Variants in SEMA6D observed in about 807,000 individuals in gnomAD.
SEMA6D encodes semaphorin 6D, also known as semaphorin-6D.
In SEMA6D, 35 loss-of-function variants were observed where a neutral mutation model predicts 106.6. The observed-to-expected ratio is 0.33, with a 90% CI of 0.25 to 0.44. The LOEUF is 0.44. Ranked by LOEUF, SEMA6D falls within the 20% of genes least tolerant of loss-of-function variation. The pLI is 1.00. For synonymous variants in SEMA6D, 499 were observed against 487.7 expected (o/e 1.02, Z -0.31); for missense variants, 1,185 against 1,345.9 (o/e 0.88, Z 1.87).
intron 1 of SEMA6D, among the ~76,000 whole-genome samples, chr15:47,392,347 G>T (rs1193054908): frequency 6.6e-6 from 1 of 152,198 alleles, no homozygotes; most frequent in Non-Finnish European, 1.5e-5. Flanking sequence ...GGACTTTGAA[G>T]ATGTGATTAA....
At chr15:47,259,219 C>A (rs1351530933) in intron 1 of SEMA6D, among the ~76,000 whole-genome samples, 1 of 152,150 alleles carries the variant, frequency 6.6e-6, no homozygotes, top group Non-Finnish European at 1.5e-5. Flanking sequence ...GAAGGATAGT[C>A]TATTGGATGT....
intron 2 of SEMA6D, among the ~76,000 whole-genome samples, chr15:47,468,210 T>G (rs1003481500): frequency 6.6e-6 from 1 of 152,072 alleles, no homozygotes; most frequent in Non-Finnish European, 1.5e-5. Context: ...TGTTCATACC[T>G]ATGTTTCTTC....
chr15:47,724,319 A>G (rs1484599579), intron 1 of SEMA6D, among the ~76,000 whole-genome samples: 1 of 152,224 alleles, frequency 6.6e-6, no homozygotes, highest in African/African-American at 2.4e-5. Context: ...ACAGGGCAGG[A>G]GAGGGCCCAA....
intron 3 of SEMA6D, among the ~76,000 whole-genome samples, chr15:47,533,694 A>G (rs972325855): frequency 6.6e-6 from 1 of 152,186 alleles, no homozygotes; most frequent in African/African-American, 2.4e-5. Context: ...CCACCAGACC[A>G]TTATATTCTA....
At chr15:47,643,130 T>C (rs1190604346) in intron 4 of SEMA6D, among the ~76,000 whole-genome samples, 1 of 152,180 alleles carries the variant, frequency 6.6e-6, no homozygotes, top group Non-Finnish European at 1.5e-5. Context: ...TTCTACTATG[T>C]CTTATATGTG....
At chr15:47,427,941 G>A (rs1275607818) in intron 2 of SEMA6D, among the ~76,000 whole-genome samples, 2 of 151,858 alleles carry the variant, frequency 1.3e-5, no homozygotes, top group Admixed American at 6.6e-5. Flanking sequence ...ATTCTTCTTA[G>A]GGAAAAGATA....
chr15:47,640,804 A>C (rs1173041619), intron 4 of SEMA6D, among the ~76,000 whole-genome samples: 3 of 152,112 alleles, frequency 2.0e-5, no homozygotes, highest in Non-Finnish European at 4.4e-5. Context: ...GGAATATGAT[A>C]TTAACGTTAA....
At chr15:47,252,228 A>G (rs752286551) in intron 1 of SEMA6D, among the ~76,000 whole-genome samples, 7 of 152,062 alleles carry the variant, frequency 4.6e-5, no homozygotes, top group African/African-American at 7.2e-5. Context: ...ATTATTATTG[A>G]GTGTTGCGAT....
intron 11 of SEMA6D, 52 bp downstream of exon 11, chr15:47,764,357 T>C: frequency 6.3e-7 from 1 of 1,577,522 alleles, no homozygotes; most frequent in African/African-American, 1.4e-5. Context: ...CTTCCGGTCA[T>C]TGGAAGCATC....
At chr15:47,552,805 A>ATATTTTTATATATATAT (rs1566882284) in intron 3 of SEMA6D, among the ~76,000 whole-genome samples, 2 of 6,770 alleles carry the variant, frequency 3.0e-4, no homozygotes, top group Non-Finnish European at 5.6e-4. Context: ...TATATATATA[A>ATATTTTTATATATATAT]AAATATATAT....
At chr15:47,770,139 A>G (rs1406237166) in intron 18 of SEMA6D, among the ~76,000 whole-genome samples, 3 of 152,210 alleles carry the variant, frequency 2.0e-5, no homozygotes, top group Non-Finnish European at 4.4e-5. Flanking sequence ...TATGAGACAA[A>G]ACATATGAGT....
intron 1 of SEMA6D, among the ~76,000 whole-genome samples, chr15:47,389,170 G>A (rs8034190): frequency 0.22 from 33,260 of 151,922 alleles, 3,913 homozygotes; most frequent in Middle Eastern, 0.33. Flanking sequence ...CAGTTTTCTC[G>A]TATGTAAAAT....
At chr15:47,662,106 C>A (rs148305332) in intron 4 of SEMA6D, among the ~76,000 whole-genome samples, 1 of 152,078 alleles carries the variant, frequency 6.6e-6, no homozygotes, top group African/African-American at 2.4e-5. Context: ...TGGGTGTCTG[C>A]GGTGTCTGGG....
chr15:47,747,783 G>A (rs551137418), intron 1 of SEMA6D, among the ~76,000 whole-genome samples: 2 of 152,274 alleles, frequency 1.3e-5, no homozygotes, highest in South Asian at 2.1e-4. Flanking sequence ...GTTATGGTAT[G>A]TTCTATCATT....
chr15:47,650,992 C>G (rs2077678623), intron 4 of SEMA6D, among the ~76,000 whole-genome samples: 1 of 152,220 alleles, frequency 6.6e-6, no homozygotes. Context: ...TCGTGATTGT[C>G]TATGTGCTAT....
intron 3 of SEMA6D, among the ~76,000 whole-genome samples, chr15:47,478,131 C>A (rs1259779620): frequency 1.3e-5 from 2 of 151,762 alleles, no homozygotes; most frequent in Admixed American, 1.3e-4. Flanking sequence ...TATATGTAAC[C>A]ACTATAGAGG....
chr15:47,507,268 C>T (rs144621585), intron 3 of SEMA6D, among the ~76,000 whole-genome samples: 4 of 152,224 alleles, frequency 2.6e-5, no homozygotes, highest in Non-Finnish European at 5.9e-5. Flanking sequence ...AGAAGAGTTC[C>T]AGTTGTTGTT....
intron 3 of SEMA6D, among the ~76,000 whole-genome samples, chr15:47,550,534 A>T (rs2045653738): frequency 6.6e-6 from 1 of 152,170 alleles, no homozygotes; most frequent in Non-Finnish European, 1.5e-5. Flanking sequence ...ACAGCCAAGG[A>T]ATCTGAGTGT....
At chr15:47,242,061 G>A (rs1015268982) in intron 1 of SEMA6D, among the ~76,000 whole-genome samples, 5 of 151,998 alleles carry the variant, frequency 3.3e-5, no homozygotes, top group African/African-American at 7.2e-5. Flanking sequence ...TAAGTCACTC[G>A]ATCACTCTGG....
Sources: allele counts gnomAD v4.1 joint callset (sites outside exome capture counted in the v4.1 genomes callset), GRCh38; gene constraint gnomAD v4.1.1; transcripts MANE v1.5; gene names NCBI Gene and HGNC (gene_info 2026-07-23, HGNC 2026-07-21).